Variants in WWOX observed in about 807,000 individuals in gnomAD.
WWOX encodes the protein WW domain-containing oxidoreductase.
WWOX carries 69 observed loss-of-function variants against 46.2 expected under a neutral mutation model. The observed-to-expected ratio is 1.49, with a 90% CI of 1.23 to 1.82. The LOEUF (loss-of-function observed/expected upper bound fraction) is 1.82, where lower values mean the gene tolerates loss of function less well. Among genes scored for constraint, WWOX ranks in the 40% most tolerant of loss-of-function variants. WWOX has a pLI of 0.00. For missense variants in WWOX, 919 were observed against 542.6 expected (o/e 1.69, Z -6.89); for synonymous variants, 359 against 202.6 (o/e 1.77, Z -6.56).
At chr16:78,411,289 C>T (rs1416245695) in intron 6 of WWOX, among the ~76,000 whole-genome samples, 1 of 152,096 alleles carries the variant, frequency 6.6e-6, no homozygotes, top group African/African-American at 2.4e-5. Flanking sequence ...TAGTAGTTTG[C>T]TTCTTTTTAA....
intron 8 of WWOX, chr16:79,205,425 A>G (rs1044648569): frequency 1.3e-5 from 2 of 152,194 alleles, no homozygotes; most frequent in South Asian, 4.1e-4. Context: ...CCTTGTGGCA[A>G]AAGATCAACA....
chr16:78,479,039 A>T (rs899315493), intron 8 of WWOX, among the ~76,000 whole-genome samples: 7 of 152,222 alleles, frequency 4.6e-5, no homozygotes, highest in Middle Eastern at 3.2e-3. Flanking sequence ...ACCAATTTAG[A>T]TATCCAGGCT....
chr16:78,817,532 A>T (rs1445470986), intron 8 of WWOX, among the ~76,000 whole-genome samples: 1 of 152,208 alleles, frequency 6.6e-6, no homozygotes, highest in Non-Finnish European at 1.5e-5. Context: ...ACTTTGCTTC[A>T]AATTTGCCAA....
chr16:78,514,996 G>A (rs1434404921), intron 8 of WWOX, among the ~76,000 whole-genome samples: 2 of 152,092 alleles, frequency 1.3e-5, no homozygotes, highest in African/African-American at 4.8e-5. Flanking sequence ...GAGGCAGGTG[G>A]ATCACCTGAA....
At chr16:78,464,554 G>A (rs554210591) in intron 8 of WWOX, among the ~76,000 whole-genome samples, 2 of 152,246 alleles carry the variant, frequency 1.3e-5, no homozygotes, top group Admixed American at 6.5e-5. Context: ...GATCCTTCAA[G>A]GGATCCTTGT....
intron 8 of WWOX, among the ~76,000 whole-genome samples, chr16:78,840,252 G>A (rs2052101905): frequency 6.6e-6 from 1 of 152,140 alleles, no homozygotes; most frequent in East Asian, 1.9e-4. Flanking sequence ...TTGACTCTGT[G>A]ACACTGAGCA....
intron 8 of WWOX, among the ~76,000 whole-genome samples, chr16:78,498,754 A>G (rs2084980562): frequency 6.6e-6 from 1 of 152,160 alleles, no homozygotes; most frequent in African/African-American, 2.4e-5. Context: ...GTGCAGTGGC[A>G]TGATGGCATG....
At chr16:78,211,805 A>G (rs2036568448) in intron 5 of WWOX, among the ~76,000 whole-genome samples, 2 of 152,158 alleles carry the variant, frequency 1.3e-5, no homozygotes, top group South Asian at 4.2e-4. Context: ...AACTCAAAGA[A>G]CATGCATGAA....
intron 5 of WWOX, among the ~76,000 whole-genome samples, chr16:78,291,123 T>A (rs1308339884): frequency 2.0e-5 from 3 of 152,238 alleles, no homozygotes; most frequent in African/African-American, 7.2e-5. Context: ...AGTAGTGTCA[T>A]GGAACTCACT....
At chr16:78,886,179 C>T (rs75708617) in intron 8 of WWOX, among the ~76,000 whole-genome samples, 3,293 of 151,634 alleles carry the variant, frequency 0.022, 111 homozygotes, top group Admixed American at 0.087. Context: ...CCCTCCTCGG[C>T]CTCCCAAAGT....
intron 6 of WWOX, among the ~76,000 whole-genome samples, chr16:78,389,650 A>G (rs1277819443): frequency 6.6e-6 from 1 of 152,214 alleles, no homozygotes; most frequent in Non-Finnish European, 1.5e-5. Flanking sequence ...GAGAGGATAT[A>G]TAATTTATCC....
intron 8 of WWOX, among the ~76,000 whole-genome samples, chr16:79,201,807 C>T (rs1125851): frequency 0.012 from 1,774 of 151,970 alleles, 21 homozygotes; most frequent in Non-Finnish European, 0.019. Flanking sequence ...AAATTGAAAC[C>T]TGACAATGTA....
At chr16:78,903,100 A>G (rs980081731) in intron 8 of WWOX, among the ~76,000 whole-genome samples, 1 of 152,208 alleles carries the variant, frequency 6.6e-6, no homozygotes, top group African/African-American at 2.4e-5. Context: ...ACTACACTCC[A>G]TAGAGTGGGA....
intron 3 of WWOX, among the ~76,000 whole-genome samples, chr16:78,111,364 A>G (rs1159818486): frequency 6.6e-6 from 1 of 152,196 alleles, no homozygotes; most frequent in Non-Finnish European, 1.5e-5. Context: ...AGCTTTTAAT[A>G]TTACTCTTTG....
intron 8 of WWOX, among the ~76,000 whole-genome samples, chr16:78,546,093 T>C (rs1233990254): frequency 6.6e-6 from 1 of 152,194 alleles, no homozygotes; most frequent in Non-Finnish European, 1.5e-5. Context: ...GTCCCTACCC[T>C]CTGTCAGTTT....
At chr16:78,431,339 C>G (rs1238913354) in intron 7 of WWOX, among the ~76,000 whole-genome samples, 1 of 152,162 alleles carries the variant, frequency 6.6e-6, no homozygotes, top group African/African-American at 2.4e-5. Context: ...TGGTACCTCA[C>G]CAAGGTTATA....
chr16:78,651,472 G>C (rs758549178), intron 8 of WWOX, among the ~76,000 whole-genome samples: 4 of 152,202 alleles, frequency 2.6e-5, no homozygotes, highest in Non-Finnish European at 4.4e-5. Context: ...CTGGAAGTGT[G>C]AGCAGATTGT....
At chr16:78,918,062 C>T (rs546103062) in intron 8 of WWOX, among the ~76,000 whole-genome samples, 4 of 151,904 alleles carry the variant, frequency 2.6e-5, no homozygotes, top group East Asian at 3.9e-4. Context: ...ATTAGCCAGG[C>T]GTGGTGGTGC....
At chr16:78,605,792 G>C (rs780768662) in intron 8 of WWOX, among the ~76,000 whole-genome samples, 1 of 152,144 alleles carries the variant, frequency 6.6e-6, no homozygotes, top group African/African-American at 2.4e-5. Flanking sequence ...CAATGTTGGG[G>C]CACTCATGGT....
Sources: allele counts gnomAD v4.1 joint callset (sites outside exome capture counted in the v4.1 genomes callset), GRCh38; gene constraint gnomAD v4.1.1; transcripts MANE v1.5; gene names NCBI Gene and HGNC (gene_info 2026-07-23, HGNC 2026-07-21).